The following TAF2 variants were observed in gnomAD, a reference collection of about 807,000 sequenced individuals.
The protein encoded by TAF2 is TATA-box binding protein associated factor 2, also known as transcription initiation factor TFIID subunit 2.
A neutral mutation model predicts 138.5 loss-of-function variants in TAF2; 61 were observed. That is an observed-to-expected ratio of 0.44 (90% CI 0.36 to 0.54). The LOEUF is 0.54. TAF2 is among the 20% of genes least tolerant of loss of function. TAF2 has a pLI of 0.00. For synonymous variants in TAF2, 475 were observed against 469.9 expected (o/e 1.01, Z -0.14); for missense variants, 1,090 against 1,427.9 (o/e 0.76, Z 3.81).
At position 119,762,601 on chromosome 8, in the gene TAF2, T is replaced by C; in HGVS notation, c.2372A>G (p.Asp791Gly). The C allele has an allele frequency of 1.2e-6, 2 of 1,611,992 alleles. No homozygotes were observed. The highest frequency in any genetic ancestry group is 1.7e-6 in the Non-Finnish European group (2 of 1,179,000). The change falls in exon 19 of 26, where the codon GAT (aspartate) becomes GGT (glycine). Residue 791 changes from aspartate (D) to glycine (G), a missense_variant. Coordinates refer to ENST00000378164, the MANE Select transcript of TAF2 (RefSeq NM_003184.4). ...AATCATTTCTGCACGATAATAGTTA[T>C]CTGAAAACTAGGCCAAAGAAAAATT... ...YNDNRKNKFS[D>G]NYYRAEMIDA...
At chr8:119,765,557 G>A (rs1466723810) in intron 18 of TAF2, among the ~76,000 whole-genome samples, 1 of 152,108 alleles carries the variant, frequency 6.6e-6, no homozygotes, top group Non-Finnish European at 1.5e-5. Context: ...AAAGCTGGAG[G>A]GGTGGACTGG....
chr8:119,733,297 T>G (rs1194370400), intron 25 of TAF2, among the ~76,000 whole-genome samples: 1 of 152,126 alleles, frequency 6.6e-6, no homozygotes, highest in Non-Finnish European at 1.5e-5. Context: ...CTAAGAAGAT[T>G]CAGAATGCAC....
At chr8:119,762,382 C>T (rs745531746) in intron 19 of TAF2, 33 bp downstream of exon 19, 10 of 1,595,228 alleles carry the variant, frequency 6.3e-6, no homozygotes, top group African/African-American at 2.7e-5. Flanking sequence ...GTTATAAGAA[C>T]ATATAACTTT....
rs917316912 is a variant in TAF2 at position 119,752,955 on chromosome 8, G to A, written c.2878+3051C>T. Among the ~76,000 whole-genome samples, 3 of 152,128 alleles carry A rather than the reference G, an allele frequency of 2.0e-5. No homozygotes were observed. In the East Asian group the frequency reaches 5.8e-4, roughly 29 times the overall value. Reference sequence around the variant, plus strand: ...CCAGAAGCCCCAAAATGAGGAGCAGGCAGGGTTCCAGCGGATTTGGGGACT... The same window carrying A: ...CCAGAAGCCCCAAAATGAGGAGCAGACAGGGTTCCAGCGGATTTGGGGACT... On this transcript the variant is annotated intron_variant, in intron 22 of 25. Coordinates refer to ENST00000378164, the MANE Select transcript of TAF2 (RefSeq NM_003184.4).
In TAF2 at chr8:119,731,801, T is replaced by C; in HGVS notation, c.*123A>G. ...TCAAATGCTTAGAACTTAAATGAAT[T>C]CAGAATTTCTGTAGGAGAGGCGAAT... is the stretch of plus-strand genomic sequence containing the variant. On this transcript the variant is annotated 3_prime_UTR_variant, in exon 26 of 26. Transcript: ENST00000378164. 3 of 942,066 alleles carry C rather than the reference T, an allele frequency of 3.2e-6. No homozygotes were observed. In the East Asian group the frequency reaches 7.3e-5, roughly 23 times the overall value. The allele number at this position is 942,066 out of a possible 1,614,324, so 58.4% of individuals were successfully genotyped here.
At chr8:119,817,019 G>T (rs979700321) in intron 3 of TAF2, among the ~76,000 whole-genome samples, 2 of 152,096 alleles carry the variant, frequency 1.3e-5, no homozygotes, top group Non-Finnish European at 2.9e-5. Context: ...GAGTAATCAA[G>T]ATTCTAAAGC....
chr8:119,806,465 CT>C, intron 3 of TAF2, 64 bp from the exon 4 acceptor site: 3 of 993,698 alleles, frequency 3.0e-6, no homozygotes, highest in East Asian at 3.0e-5. Flanking sequence ...ATTTTTCTTT[CT>C]TTCTTTTTTT....
chr8:119,739,954 T>C (rs1421837493), intron 25 of TAF2, among the ~76,000 whole-genome samples: 2 of 152,068 alleles, frequency 1.3e-5, no homozygotes, highest in Non-Finnish European at 2.9e-5. Flanking sequence ...GTGAGACTTA[T>C]AAGAAGATGC....
At chr8:119,807,308 A>G (rs1189734023) in intron 3 of TAF2, among the ~76,000 whole-genome samples, 1 of 152,232 alleles carries the variant, frequency 6.6e-6, no homozygotes, top group African/African-American at 2.4e-5. Context: ...CCATTTGATG[A>G]AAACAATACG....
Position 119,803,982 on chromosome 8 carries a change from C to T in TAF2, c.456G>A (p.Leu152=). The part of the protein sequence containing the change: ...KVLKIHINFS[L]DQPKGGLHFV... Reference sequence around the variant, plus strand: ...AATGAAGACCTCCTTTGGGCTGATCCAAAGAAAAATTGATGTGTATCTTCA... The same window carrying T: ...AATGAAGACCTCCTTTGGGCTGATCTAAAGAAAAATTGATGTGTATCTTCA... The change falls in exon 5 of 26, where the codon TTG becomes TTA. Residue 152 remains leucine, a synonymous_variant. Transcript: ENST00000378164. 6.2e-7 allele frequency: 1 copy of T among 1,613,962 alleles called. No homozygotes were observed.
intron 3 of TAF2, among the ~76,000 whole-genome samples, chr8:119,816,043 ACT>A (rs1482754942): frequency 1.4e-5 from 2 of 143,872 alleles, no homozygotes; most frequent in Non-Finnish European, 3.0e-5. Context: ...CTGTAAGCAC[ACT>A]CTTTCTTTTT....
intron 10 of TAF2, among the ~76,000 whole-genome samples, chr8:119,793,107 TA>T (rs1026764991): frequency 6.6e-6 from 1 of 151,788 alleles, no homozygotes; most frequent in Non-Finnish European, 1.5e-5. Context: ...TAAAAAAAAT[TA>T]AAAAAAAATT....
rs1178425351 is a variant in TAF2 at position 119,799,688 on chromosome 8, A to G, written c.793-1842T>C. 1.2e-3 allele frequency among the ~76,000 whole-genome samples: 180 copies of G among 152,150 alleles called. 1 individual carries two copies. Among genetic ancestry groups the G allele is most frequent in the African/African-American group, 4.1e-3 (168 of 41,430 alleles). ...ACCCAGTAATGGGATGGCTGGGTCA[A>G]ATGGTATTTCTAGTTCTAGATCCTT... On this transcript the variant is annotated intron_variant, in intron 6 of 25. Transcript: ENST00000378164.
intron 2 of TAF2, among the ~76,000 whole-genome samples, chr8:119,821,407 C>T (rs1825800973): frequency 6.6e-6 from 1 of 152,208 alleles, no homozygotes; most frequent in Admixed American, 6.5e-5. Flanking sequence ...AAAACTCCCT[C>T]TCTACCCTCT....
At chr8:119,790,529 A>G (rs1470426184) in intron 11 of TAF2, among the ~76,000 whole-genome samples, 4 of 152,200 alleles carry the variant, frequency 2.6e-5, no homozygotes, top group Admixed American at 2.6e-4. Context: ...GCTTTAAAAA[A>G]AGCATTATTT....
chr8:119,808,336 T>C (rs776610490), intron 3 of TAF2, among the ~76,000 whole-genome samples: 2 of 152,242 alleles, frequency 1.3e-5, no homozygotes, highest in Non-Finnish European at 2.9e-5. Context: ...AGTTGTATCA[T>C]GAGACTGCAG....
chr8:119,785,716 A>G (rs1425434402), intron 14 of TAF2, among the ~76,000 whole-genome samples: 1 of 152,208 alleles, frequency 6.6e-6, no homozygotes, highest in Non-Finnish European at 1.5e-5. Context: ...GTATTGATCA[A>G]TATGTAGAAC....
At chr8:119,799,947 CTTCTT>C (rs1414047144) in intron 6 of TAF2, among the ~76,000 whole-genome samples, 1 of 152,178 alleles carries the variant, frequency 6.6e-6, no homozygotes, top group Non-Finnish European at 1.5e-5. Flanking sequence ...GCATAAATGT[CTTCTT>C]TTGAGAAGTG....
At chr8:119,777,223 G>T (rs536029945) in intron 18 of TAF2, among the ~76,000 whole-genome samples, 63 of 152,022 alleles carry the variant, frequency 4.1e-4, no homozygotes, top group Non-Finnish European at 6.8e-4. Context: ...ACAAAAAGGG[G>T]GTCCTGGAAC....
Sources: gnomAD v4.1 joint callset for allele counts (sites outside exome capture counted in the v4.1 genomes callset) on GRCh38, gnomAD v4.1.1 for gene constraint, MANE v1.5 for transcripts, NCBI Gene and HGNC (gene_info 2026-07-23, HGNC 2026-07-21) for gene names.